Variants in ZNF469 observed in about 807,000 individuals in gnomAD.
ZNF469 encodes the protein zinc finger protein 469.
ZNF469 carries 1 observed loss-of-function variant against 1.0 expected under a neutral mutation model. The ratio of observed to expected loss-of-function variants is 1.00; its 90% CI spans 0.35 to 4.73. The LOEUF is 4.73. Among genes scored for constraint, ZNF469 ranks in the 30% most tolerant of loss-of-function variants. The pLI is 0.16. For synonymous variants in ZNF469, 2,703 were observed against 2,363.4 expected (o/e 1.14, Z -4.17); for missense variants, 6,100 against 5,356.3 (o/e 1.14, Z -4.33).
chr16:88,414,699 G>A (rs868781790), intron 1 of ZNF469, among the ~76,000 whole-genome samples: 1 of 152,256 alleles, frequency 6.6e-6, no homozygotes, highest in South Asian at 2.1e-4. Flanking sequence ...GAACCCAGAA[G>A]GACGTCCCAG....
In ZNF469 at chr16:88,437,032, T is replaced by C. The variant is rs1906634843; in HGVS notation, c.9562T>C (p.Trp3188Arg). 1 of 1,532,014 alleles carries C rather than the reference T, an allele frequency of 6.5e-7. No individual in the cohort carries two copies. The highest frequency in any genetic ancestry group is 8.8e-7 in the Non-Finnish European group (1 of 1,141,248). 94.9% of individuals were successfully genotyped at this position (1,532,014 alleles called of 1,614,324 possible). A position where few individuals can be genotyped will look rare whatever the true frequency, so the allele number is the denominator to read the frequency against. The change falls in exon 3 of 3, where the codon TGG (tryptophan) becomes CGG (arginine). Residue 3188 changes from tryptophan (W) to arginine (R), a missense_variant. Physicochemically the swap from Trp to Arg is moderately radical, Grantham distance 101. Transcript: ENST00000565624. ...GTGCCTGAAGGAGGTGGCCGACGTCTGGATGTACAACGAGCACCTGCGTGA... is the reference window on the plus strand; with the variant it reads ...GTGCCTGAAGGAGGTGGCCGACGTCCGGATGTACAACGAGCACCTGCGTGA... ...GMCLKEVADV[W>R]MYNEHLREHA...
intron 1 of ZNF469, among the ~76,000 whole-genome samples, chr16:88,388,964 C>T (rs1484039307): frequency 6.6e-5 from 10 of 152,220 alleles, no homozygotes; most frequent in Admixed American, 6.5e-4. Flanking sequence ...CCAGGGCCAT[C>T]CTCTGTGCCT....
At chr16:88,215,383 A>ACTTTTTTTTTTTTTTTTTTTTT in the ZNF469 span, among the ~76,000 whole-genome samples, 4 of 94,188 alleles carry the variant, frequency 4.2e-5, 1 homozygote, top group African/African-American at 4.4e-5. Context: ...TTGCCTTTTA[A>ACTTTTTTTTTTTTTTTTTTTTT]TTTTTTTTTT....
At chr16:88,116,054 G>C in the ZNF469 span, among the ~76,000 whole-genome samples, 2 of 152,222 alleles carry the variant, frequency 1.3e-5, no homozygotes, top group South Asian at 2.1e-4. Flanking sequence ...ACTGCAGAGC[G>C]GGGAAAGTAT....
the ZNF469 span, among the ~76,000 whole-genome samples, chr16:88,213,271 T>C: frequency 6.6e-6 from 1 of 152,052 alleles, no homozygotes; most frequent in African/African-American, 2.4e-5. Context: ...GCTAATGTTT[T>C]TGTATTTTTA....
chr16:88,337,284 C>G, the ZNF469 span, among the ~76,000 whole-genome samples: 1 of 152,184 alleles, frequency 6.6e-6, no homozygotes, highest in Non-Finnish European at 1.5e-5. Flanking sequence ...GTTCTCATGA[C>G]AGTGAATAAG....
the ZNF469 span, among the ~76,000 whole-genome samples, chr16:88,313,957 T>C: frequency 6.6e-6 from 1 of 151,280 alleles, no homozygotes; most frequent in South Asian, 2.1e-4. Context: ...GTAATTAAGA[T>C]GATGCTGGTG....
At chr16:88,116,083 G>A in the ZNF469 span, among the ~76,000 whole-genome samples, 32 of 152,298 alleles carry the variant, frequency 2.1e-4, no homozygotes, top group East Asian at 3.5e-3. Flanking sequence ...ACACATGCCC[G>A]ACTAGAGCCC....
chr16:88,363,752 C>A, the ZNF469 span, among the ~76,000 whole-genome samples: 1 of 152,214 alleles, frequency 6.6e-6, no homozygotes, highest in African/African-American at 2.4e-5. Flanking sequence ...GAAAACACCA[C>A]AAATACTCAT....
the ZNF469 span, among the ~76,000 whole-genome samples, chr16:88,252,393 G>C: frequency 6.7e-6 from 1 of 150,150 alleles, no homozygotes; most frequent in African/African-American, 2.5e-5. Context: ...GGAGTCTGTC[G>C]GGCTGTGATT....
At chr16:88,325,441 G>A in the ZNF469 span, among the ~76,000 whole-genome samples, 8 of 152,232 alleles carry the variant, frequency 5.3e-5, no homozygotes, top group South Asian at 2.1e-4. Context: ...GCCTGAAGGC[G>A]GGGCAGCCGC....
At chr16:88,142,841 G>A in the ZNF469 span, among the ~76,000 whole-genome samples, 2 of 152,316 alleles carry the variant, frequency 1.3e-5, no homozygotes, top group Non-Finnish European at 2.9e-5. Context: ...CCACCTGGAT[G>A]TGCAGCCTGG....
the ZNF469 span, among the ~76,000 whole-genome samples, chr16:88,253,058 A>G: frequency 1.8e-3 from 277 of 152,334 alleles, no homozygotes; most frequent in Non-Finnish European, 2.8e-3. Flanking sequence ...ATCACTGAGC[A>G]AGAGTCCATG....
the ZNF469 span, among the ~76,000 whole-genome samples, chr16:88,183,958 G>T: frequency 6.6e-6 from 1 of 151,920 alleles, no homozygotes; most frequent in Non-Finnish European, 1.5e-5. Flanking sequence ...GTCTTCCTGG[G>T]GCTCTTCCTT....
the ZNF469 span, among the ~76,000 whole-genome samples, chr16:88,289,277 G>GGGTGAT: frequency 7.6e-6 from 1 of 131,378 alleles, no homozygotes; most frequent in East Asian, 2.1e-4. Context: ...ATGATGGTGA[G>GGGTGAT]GGTGATGGTG....
intron 1 of ZNF469, among the ~76,000 whole-genome samples, chr16:88,397,654 A>G (rs72805331): frequency 1.1e-5 from 1 of 89,060 alleles, no homozygotes; most frequent in Non-Finnish European, 2.2e-5. Context: ...GATATAAATA[A>G]GAGATAGATA....
the ZNF469 span, among the ~76,000 whole-genome samples, chr16:88,296,805 GCA>G: frequency 4.5e-4 from 69 of 152,180 alleles, no homozygotes; most frequent in African/African-American, 1.0e-3. Context: ...ACATGGTAGT[GCA>G]CACACATGCT....
the ZNF469 span, among the ~76,000 whole-genome samples, chr16:88,119,534 T>C: frequency 2.6e-5 from 4 of 152,250 alleles, no homozygotes; most frequent in Non-Finnish European, 5.9e-5. Context: ...TTCGTCAGAA[T>C]GCCTCGCTCC....
At chr16:88,364,828 G>A in the ZNF469 span, among the ~76,000 whole-genome samples, 21 of 152,136 alleles carry the variant, frequency 1.4e-4, no homozygotes, top group African/African-American at 4.8e-4. Context: ...AACTGGGTGT[G>A]GTGGCAGGAG....
Sources: allele counts gnomAD v4.1 joint callset (sites outside exome capture counted in the v4.1 genomes callset), GRCh38; gene constraint gnomAD v4.1.1; transcripts MANE v1.5; gene names NCBI Gene and HGNC (gene_info 2026-07-23, HGNC 2026-07-21).